PRF1: variants seen among roughly 807,000 people sequenced by gnomAD.
PRF1 encodes perforin 1, also known as perforin-1.
PRF1 carries 11 observed loss-of-function variants against 11.7 expected under a neutral mutation model. The observed-to-expected ratio is 0.94, with a 90% CI of 0.59 to 1.56. The LOEUF is 1.56. Ranked by LOEUF, PRF1 falls within the 40% of genes most tolerant of loss-of-function variation. The probability of loss-of-function intolerance (pLI) is 0.00; values close to 1 mark genes in which losing one functional copy is unlikely to be tolerated. For missense variants in PRF1, 729 were observed against 751.0 expected (o/e 0.97, Z 0.34); for synonymous variants, 314 against 327.8 (o/e 0.96, Z 0.45).
At position 70,598,340 on chromosome 10, in the gene PRF1, A is replaced by G; in HGVS notation, c.1381T>C (p.Trp461Arg). The change falls in exon 3 of 3, where the codon TGG becomes CGG. Residue 461 changes from tryptophan to arginine, a missense_variant. Transcript: ENST00000441259. ...TCCCCAAAATCCAGCCGCACTGACC[A>G]GATGGGGTTGTTATTGTCCCACACG... is the stretch of plus-strand genomic sequence containing the variant. ...STVWDNNNPI[W>R]SVRLDFGDVL... 6.2e-7 allele frequency: 1 copy of G among 1,614,162 alleles called. No homozygotes were observed. The highest frequency in any genetic ancestry group is 8.5e-7 in the Non-Finnish European group (1 of 1,180,012).
At position 70,598,493 on chromosome 10, in the gene PRF1, G is replaced by A. The variant is rs139322149; in HGVS notation, c.1228C>T (p.Arg410Trp). The change falls in exon 3 of 3, where the codon CGG (arginine) becomes TGG (tryptophan). Residue 410 changes from arginine (R) to tryptophan (W), a missense_variant. Arg to Trp is a moderately radical substitution (Grantham distance 101, BLOSUM62 -3). Transcript: ENST00000441259. ...TCCAGCTGGGCCAGGCCCCTCTGCC[G>A]AGGGCAGCAGTCCTGGGTGGTGACC... ...SAVTTQDCCP[R>W]QRGLAQLEVT... The A allele has an allele frequency of 2.1e-5, 34 of 1,613,524 alleles. No homozygotes were observed. The East Asian group carries it at 3.1e-4, about 15-fold the overall frequency.
In PRF1 at chr10:70,600,771, G is replaced by C. The variant is rs181323749; in HGVS notation, c.132C>G (p.Ala44=). The change falls in exon 2 of 3, where the codon GCC becomes GCG. Residue 44 remains alanine, a synonymous_variant. Transcript: ENST00000441259. This position sits in a 1 kb window ranked among gnomAD's most constrained non-coding sequence, Gnocchi z 4.9. ...SHKFVPGAWL[A]GEGVDVTSLR... Reference sequence around the variant, plus strand: ...GGCTGGTCACGTCCACACCCTCCCCGGCCAGCCATGCACCAGGCACGAACT... The same window carrying C: ...GGCTGGTCACGTCCACACCCTCCCCCGCCAGCCATGCACCAGGCACGAACT... 1 of 1,611,248 alleles carries C rather than the reference G, an allele frequency of 6.2e-7. No individual in the cohort carries two copies. The highest frequency in any genetic ancestry group is 1.1e-5 in the South Asian group (1 of 90,820).
In PRF1 at chr10:70,598,767, G is replaced by A. The variant is rs750718842; in HGVS notation, c.954C>T (p.Ile318=). 6.2e-7 allele frequency: 1 copy of A among 1,614,248 alleles called. No individual in the cohort carries two copies. The highest frequency in any genetic ancestry group is 2.2e-5 in the East Asian group (1 of 44,870). The part of the protein sequence containing the change: ...HTSINDLLFG[I]QAGPEQYSAW... ...CTGAGTACTGCTCGGGCCCGGCCTGGATCCCGAACAGCAGGTCGTTAATGG... is the reference window on the plus strand; with the variant it reads ...CTGAGTACTGCTCGGGCCCGGCCTGAATCCCGAACAGCAGGTCGTTAATGG... The change falls in exon 3 of 3, where the codon ATC becomes ATT. Residue 318 remains isoleucine, a synonymous_variant. Coordinates refer to ENST00000441259, the MANE Select transcript of PRF1 (RefSeq NM_001083116.3).
Position 70,597,500 on chromosome 10 carries a change from G to A in PRF1, c.*553C>T. The A allele has an allele frequency of 2.4e-6, 1 of 408,558 alleles. No homozygotes were observed. Among genetic ancestry groups the A allele is most frequent in the Admixed American group, 3.9e-5 (1 of 25,356 alleles). 25.3% of individuals were successfully genotyped at this position (408,558 alleles called of 1,614,324 possible). On this transcript the variant is annotated 3_prime_UTR_variant, in exon 3 of 3. Coordinates refer to ENST00000441259, the MANE Select transcript of PRF1 (RefSeq NM_001083116.3). The stretch of plus-strand genomic sequence containing the variant: ...TGGGGCTCCAGTTAAGGCAATGAAG[G>A]CTTTGCCACACCATAGAGGGCTCAA...
At chr10:70,599,308 G>A (rs924182564) in intron 2 of PRF1, 127 bp from the exon 3 acceptor site, 17 of 1,239,950 alleles carry the variant, frequency 1.4e-5, no homozygotes, top group Middle Eastern at 2.5e-4. Context: ...CCAGGGGCCC[G>A]GCTCCAGAGC....
rs751298400 is a variant in PRF1 at position 70,598,301 on chromosome 10, T to C, written c.1420A>G (p.Thr474Ala). 1.6e-5 allele frequency: 26 copies of C among 1,614,182 alleles called. No individual in the cohort carries two copies. In the South Asian group the frequency reaches 2.6e-4, roughly 16 times the overall value. The change falls in exon 3 of 3, where the codon ACA becomes GCA. Residue 474 changes from threonine to alanine, a missense_variant. Physicochemically the swap from Thr to Ala is moderately conservative, Grantham distance 58. Transcript: ENST00000441259. ...RLDFGDVLLA[T>A]GGPLRLQVWD... is the part of the protein sequence containing the mutation. Reference sequence around the variant, plus strand: ...ACCTGCAACCTCAGGGGCCCCCCTGTGGCCAGGAGCACATCCCCAAAATCC... The same window carrying C: ...ACCTGCAACCTCAGGGGCCCCCCTGCGGCCAGGAGCACATCCCCAAAATCC...
At chr10:70,599,622 G>A (rs1276660209) in intron 2 of PRF1, among the ~76,000 whole-genome samples, 7 of 152,020 alleles carry the variant, frequency 4.6e-5, no homozygotes, top group Non-Finnish European at 1.0e-4. Flanking sequence ...GAACATAAAA[G>A]CAATGATCCT....
rs776708052 is a variant in PRF1, at chr10:70,600,521, C to T, written c.382G>A (p.Asp128Asn). 64 of 1,614,140 alleles carry T rather than the reference C, an allele frequency of 4.0e-5. No individual in the cohort carries two copies. Among genetic ancestry groups the T allele is most frequent in the South Asian group, 1.1e-4 (10 of 91,066 alleles). ...GTCACGTCCAGCCCGACCTTCCAGT[C>T]GTTGCGGATGCTACGAGCCGCATCC... ...ARDAARSIRN[D>N]WKVGLDVTPK... Residue 128 changes from aspartate to asparagine, a missense_variant, in exon 2 of 3, where the codon GAC (aspartate) becomes AAC (asparagine). Transcript: ENST00000441259. This position sits in a 1 kb window ranked among gnomAD's most constrained non-coding sequence, Gnocchi z 4.9.
chr10:70,599,150 G>A lies in PRF1; in HGVS notation c.571C>T (p.Pro191Ser). ...FHVVHTPPLH[P>S]DFKRALGDLP... is the part of the protein sequence containing the mutation. ...TCCCCGAGGGCCCTCTTGAAGTCAG[G>A]GTGCAGCGGGGGAGTGTGTACCACA... is the stretch of plus-strand genomic sequence containing the variant. The change falls in exon 3 of 3, where the codon CCT becomes TCT. Residue 191 changes from proline (P) to serine (S), a missense_variant. By Grantham distance (74) the Pro-to-Ser change is moderately conservative. Transcript: ENST00000441259. 1.9e-6 allele frequency: 3 copies of A among 1,614,198 alleles called. No homozygotes were observed. Among genetic ancestry groups the A allele is most frequent in the Non-Finnish European group, 8.5e-7 (1 of 1,180,034 alleles).
At chr10:70,601,627 G>A (rs763538074) in intron 1 of PRF1, among the ~76,000 whole-genome samples, 11 of 151,752 alleles carry the variant, frequency 7.2e-5, no homozygotes, top group Non-Finnish European at 1.5e-4. Context: ...TCAGAAGTTC[G>A]AGACCAGCCT....
chr10:70,598,310 G>C lies in PRF1; in HGVS notation c.1411C>G (p.Leu471Val). ...CTCAGGGGCCCCCCTGTGGCCAGGA[G>C]CACATCCCCAAAATCCAGCCGCACT... Reference protein sequence around the residue: ...WSVRLDFGDVLLATGGPLRLQ... With the variant: ...WSVRLDFGDVVLATGGPLRLQ... The change falls in exon 3 of 3, where the codon CTC becomes GTC. Residue 471 changes from leucine to valine, a missense_variant. Coordinates refer to ENST00000441259, the MANE Select transcript of PRF1 (RefSeq NM_001083116.3). The C allele has an allele frequency of 6.2e-7, 1 of 1,614,196 alleles. No homozygotes were observed. The highest frequency in any genetic ancestry group is 8.5e-7 in the Non-Finnish European group (1 of 1,180,042).
chr10:70,600,395 T>G lies in PRF1; in HGVS notation c.508A>C (p.Ser170Arg). The G allele has an allele frequency of 1.9e-6, 3 of 1,614,162 alleles. No individual in the cohort carries two copies. Among genetic ancestry groups the G allele is most frequent in the Non-Finnish European group, 2.5e-6 (3 of 1,180,016 alleles). ...QKTHQDQYSFSTDTVECRFYS... is the reference protein window; with the variant it reads ...QKTHQDQYSFRTDTVECRFYS... ...AAGCGGCACTCCACCGTGTCAGTGC[T>G]GAAGCTGTACTGGTCCTGGTGGGTC... The change falls in exon 2 of 3, where the codon AGC (serine) becomes CGC (arginine). Residue 170 changes from serine (S) to arginine (R), a missense_variant. By Grantham distance (110) the Ser-to-Arg change is moderately radical. Coordinates refer to ENST00000441259, the MANE Select transcript of PRF1 (RefSeq NM_001083116.3). The surrounding 1 kb of genome is among the most constrained non-coding windows in gnomAD (Gnocchi z 4.9).
At position 70,600,564 on chromosome 10, in the gene PRF1, G is replaced by T; in HGVS notation, c.339C>A (p.Ser113=). ...QRHVTRAKVS[S]TEAVARDAAR... ...CCGCATCCCGGGCCACAGCTTCAGT[G>T]GAGCTGACTTTGGCCCTGGTTACAT... Residue 113 remains serine, a synonymous_variant, in exon 2 of 3, where the codon TCC becomes TCA. Transcript: ENST00000441259. This position sits in a 1 kb window ranked among gnomAD's most constrained non-coding sequence, Gnocchi z 4.9. 1 of 1,614,126 alleles carries T rather than the reference G, an allele frequency of 6.2e-7. No individual in the cohort carries two copies. The highest frequency in any genetic ancestry group is 8.5e-7 in the Non-Finnish European group (1 of 1,180,036).
At position 70,600,296 on chromosome 10, in the gene PRF1, AG is replaced by A. The variant is rs1482899368; in HGVS notation, c.539+67del. 6.3e-7 allele frequency: 1 copy of A among 1,595,658 alleles called. No homozygotes were observed. Among genetic ancestry groups the A allele is most frequent in the African/African-American group, 1.3e-5 (1 of 74,328 alleles). On this transcript the variant is annotated intron_variant, in intron 2 of 2. Transcript: ENST00000441259. This position sits in a 1 kb window ranked among gnomAD's most constrained non-coding sequence, Gnocchi z 4.9. ...TTTGATTGGAGGACTCTGCCTTTCC[AG>A]GGCTCCTAGACCACCCAGAGTTTCC...
Position 70,600,967 on chromosome 10 carries a change from T to C in PRF1, c.-30-35A>G. 6.5e-7 allele frequency: 1 copy of C among 1,540,104 alleles called. No homozygotes were observed. Among genetic ancestry groups the C allele is most frequent in the Non-Finnish European group, 8.7e-7 (1 of 1,146,792 alleles). On this transcript the variant is annotated intron_variant, in intron 1 of 2. Transcript: ENST00000441259. This position sits in a 1 kb window ranked among gnomAD's most constrained non-coding sequence, Gnocchi z 4.9. ...CATGGGTGGAGGGATGGAGGATGAC[T>C]GCTCCCTTCCCCCACAGCCACAGAT...
Position 70,598,093 on chromosome 10 carries a change from A to G in PRF1, c.1628T>C (p.Leu543Pro). 6.2e-7 allele frequency: 1 copy of G among 1,613,934 alleles called. No individual in the cohort carries two copies. Among genetic ancestry groups the G allele is most frequent in the Non-Finnish European group, 8.5e-7 (1 of 1,180,004 alleles). The change falls in exon 3 of 3, where the codon CTG becomes CCG. Residue 543 changes from leucine (L) to proline (P), a missense_variant. By Grantham distance (98) the Leu-to-Pro change is moderately conservative (BLOSUM62 -3). Coordinates refer to ENST00000441259, the MANE Select transcript of PRF1 (RefSeq NM_001083116.3). The part of the protein sequence containing the change: ...TCLDYVPQML[L>P]GEPPGNRSGA... ...ACTCCGGTTTCCTGGAGGCTCCCCC[A>G]GAAGCATTTGGGGGACATAGTCCAG...
rs1848182490 is a variant in PRF1 at position 70,599,103 on chromosome 10, G to A, written c.618C>T (p.Ala206=). ...GCCTGAGGTAGGCGGGCTGGGTGGA[G>A]GCGTTGAAGTGGTGGGGCAGGTCCC... ...ALGDLPHHFN[A]STQPAYLRLI... is the part of the protein sequence containing the mutation. The change falls in exon 3 of 3, where the codon GCC becomes GCT. Residue 206 remains alanine (A), a synonymous_variant. Coordinates refer to ENST00000441259, the MANE Select transcript of PRF1 (RefSeq NM_001083116.3). The A allele has an allele frequency of 1.2e-6, 2 of 1,614,174 alleles. No homozygotes were observed. Among genetic ancestry groups the A allele is most frequent in the South Asian group, 1.1e-5 (1 of 91,082 alleles).
chr10:70,600,834 G>A lies in PRF1; in HGVS notation c.69C>T (p.Cys23=), dbSNP rs761379626. The A allele has an allele frequency of 8.7e-6, 14 of 1,612,330 alleles. No individual in the cohort carries two copies. The East Asian group carries it at 2.9e-4, about 33-fold the overall frequency. The change falls in exon 2 of 3, where the codon TGC becomes TGT. Residue 23 remains cysteine, a synonymous_variant. Coordinates refer to ENST00000441259, the MANE Select transcript of PRF1 (RefSeq NM_001083116.3). This position sits in a 1 kb window ranked among gnomAD's most constrained non-coding sequence, Gnocchi z 4.9. ...TGCACTCTGAGCGTGCGGCTGTGTG[G>A]CACGGGGCAGGGACGGGCAGGGGCA... is the stretch of plus-strand genomic sequence containing the variant. The part of the protein sequence containing the change: ...LLLPLPVPAP[C]HTAARSECKR...
At position 70,598,074 on chromosome 10, in the gene PRF1, G is replaced by A; in HGVS notation, c.1647C>T (p.Asn549=). The part of the protein sequence containing the change: ...PQMLLGEPPG[N]RSGAVW ...GTTCTCACCACACGGCCCCACTCCG[G>A]TTTCCTGGAGGCTCCCCCAGAAGCA... is the stretch of plus-strand genomic sequence containing the variant. The change falls in exon 3 of 3, where the codon AAC becomes AAT. Residue 549 remains asparagine, a synonymous_variant. Transcript: ENST00000441259. 6.2e-7 allele frequency: 1 copy of A among 1,613,826 alleles called. No individual in the cohort carries two copies. The highest frequency in any genetic ancestry group is 8.5e-7 in the Non-Finnish European group (1 of 1,180,018).
Sources: allele counts gnomAD v4.1 joint callset (sites outside exome capture counted in the v4.1 genomes callset), GRCh38; gene constraint gnomAD v4.1.1; non-coding constraint Gnocchi (gnomAD v3.1); transcripts MANE v1.5; gene names NCBI Gene and HGNC (gene_info 2026-07-23, HGNC 2026-07-21).